The following PCDH19 variants were observed in gnomAD, a reference collection of about 807,000 sequenced individuals.
PCDH19 encodes protocadherin-19.
In PCDH19, 6 loss-of-function variants were observed where a neutral mutation model predicts 46.2. That is an observed-to-expected ratio of 0.13 (90% confidence interval 0.07 to 0.26). The LOEUF is 0.26. Ranked by LOEUF, PCDH19 falls within the 10% of genes least tolerant of loss-of-function variation. The pLI is 1.00. For synonymous variants in PCDH19, 481 were observed against 415.7 expected (o/e 1.16, Z -1.91); for missense variants, 740 against 972.3 (o/e 0.76, Z 3.18).
At chrX:100,308,123 G>T (rs933858803) in intron 5 of PCDH19, among the ~76,000 whole-genome samples, 4 of 111,150 alleles carry the variant, frequency 3.6e-5, no homozygotes, top group South Asian at 7.5e-4. Context: ...GGAAACTTCA[G>T]ATTACCCGAC....
At chrX:100,299,399 T>G (rs141873551) in intron 5 of PCDH19, among the ~76,000 whole-genome samples, 3 of 111,446 alleles carry the variant, frequency 2.7e-5, no homozygotes, top group Admixed American at 9.5e-5. Flanking sequence ...TCCTCTAATT[T>G]TGAGATTTAG....
Position 100,294,693 on chromosome X carries a change from C to CT in PCDH19, c.*1583dup, listed in dbSNP as rs752872081. 8.9e-6 allele frequency: 1 copy of CT among 111,733 alleles called. No homozygotes were observed. The highest frequency in any genetic ancestry group is 1.9e-5 in the Non-Finnish European group (1 of 53,095). 9.2% of individuals were successfully genotyped at this position (111,733 alleles called of 1,213,427 possible). On this transcript the variant is annotated 3_prime_UTR_variant, in exon 6 of 6. Transcript: ENST00000373034. The stretch of plus-strand genomic sequence containing the variant: ...AACTTGTTTCTCTAGAAACAACTCT[C>CT]TTAAGACCAAGGCAGAACAAAGGTG...
chrX:100,402,536 C>G lies in PCDH19; in HGVS notation c.2604G>C (p.Val868=). The G allele has an allele frequency of 8.3e-7, 1 of 1,210,832 alleles. No homozygotes were observed. The highest frequency in any genetic ancestry group is 1.1e-6 in the Non-Finnish European group (1 of 894,516). The change falls in exon 3 of 6, where the codon GTG becomes GTC. Residue 868 remains valine, a synonymous_variant. Coordinates refer to ENST00000373034, the MANE Select transcript of PCDH19 (RefSeq NM_001184880.2). ...PQQPDLIING[V]PLPETENYSF... is the part of the protein sequence containing the mutation. ...TAGCTGCACTCACCTCAGGCAGAGGCACACCGTTGATAATCAGGTCAGGCT... is the reference window on the plus strand; with the variant it reads ...TAGCTGCACTCACCTCAGGCAGAGGGACACCGTTGATAATCAGGTCAGGCT...
rs1924457674 is a variant in PCDH19 at position 100,292,490 on chromosome X, A to G, written c.*3787T>C. On this transcript the variant is annotated 3_prime_UTR_variant, in exon 6 of 6. Transcript: ENST00000373034. ...GAAATTAATTCACTTTTGCACAACA[A>G]GTGACCCACAAGCCAATTCCAGCGG... 1 of 112,580 alleles carries G rather than the reference A, an allele frequency of 8.9e-6. No individual in the cohort carries two copies. Among genetic ancestry groups the G allele is most frequent in the Non-Finnish European group, 1.9e-5 (1 of 53,289 alleles). The allele number at this position is 112,580 out of a possible 1,213,427, so 9.3% of individuals were successfully genotyped here. A position where few individuals can be genotyped will look rare whatever the true frequency, so the allele number is the denominator to read the frequency against.
At chrX:100,322,651 A>ATGGGGATTGCAT (rs1162194913) in intron 5 of PCDH19, among the ~76,000 whole-genome samples, 1 of 106,418 alleles carries the variant, frequency 9.4e-6, no homozygotes, top group African/African-American at 3.5e-5. Flanking sequence ...TAGTATTTTG[A>ATGGGGATTGCAT]TGGGGATTGC....
intron 5 of PCDH19, among the ~76,000 whole-genome samples, chrX:100,298,938 A>G (rs1416362252): frequency 4.5e-5 from 5 of 111,752 alleles, no homozygotes; most frequent in African/African-American, 9.8e-5. Flanking sequence ...GGGCTTCCCA[A>G]TAAGCTGTTT....
chrX:100,306,491 C>T (rs1464861383), intron 5 of PCDH19, among the ~76,000 whole-genome samples: 1 of 110,905 alleles, frequency 9.0e-6, no homozygotes, highest in African/African-American at 3.3e-5. Flanking sequence ...AATCTAAGGT[C>T]ACACCTCATT....
chrX:100,316,504 A>G (rs5967114), intron 5 of PCDH19, among the ~76,000 whole-genome samples: 2,154 of 111,700 alleles, frequency 0.019, 53 homozygotes, highest in African/African-American at 0.067. Context: ...AAAACCTGCT[A>G]TATCATCAGA....
intron 3 of PCDH19, among the ~76,000 whole-genome samples, chrX:100,355,277 T>TA (rs1480901205): frequency 9.0e-6 from 1 of 111,642 alleles, no homozygotes; most frequent in Non-Finnish European, 1.9e-5. Context: ...AAATAGGGTA[T>TA]AAAAAACATA....
intron 4 of PCDH19, among the ~76,000 whole-genome samples, chrX:100,343,876 A>G (rs1452921222): frequency 8.9e-6 from 1 of 112,081 alleles, no homozygotes; most frequent in Non-Finnish European, 1.9e-5. Context: ...AACCTTGGAC[A>G]TTCACAGGCC....
At chrX:100,384,988 G>T (rs998442897) in intron 3 of PCDH19, among the ~76,000 whole-genome samples, 4 of 109,927 alleles carry the variant, frequency 3.6e-5, no homozygotes, top group Non-Finnish European at 5.7e-5. Flanking sequence ...GTGAAAACCT[G>T]TCTCTACTAA....
At chrX:100,322,448 A>G (rs1019581381) in intron 5 of PCDH19, among the ~76,000 whole-genome samples, 2 of 111,246 alleles carry the variant, frequency 1.8e-5, no homozygotes, top group African/African-American at 6.6e-5. Flanking sequence ...TTATACCAGT[A>G]CCATGATGTT....
In PCDH19 at chrX:100,296,747, G is replaced by A. The variant is rs748666468; in HGVS notation, c.2977C>T (p.Leu993=). 1.7e-6 allele frequency: 2 copies of A among 1,211,283 alleles called. No homozygotes were observed. Among genetic ancestry groups the A allele is most frequent in the Non-Finnish European group, 1.1e-6 (1 of 895,213 alleles). The change falls in exon 6 of 6, where the codon CTG becomes TTG. Residue 993 remains leucine (L), a synonymous_variant. Transcript: ENST00000373034. ...SPEHVRNIIA[L]SIEATAADVE... ...TCAGCAGCAGTAGCTTCAATAGACAGCGCGATGATGTTCCTCACATGCTCA... is the reference window on the plus strand; with the variant it reads ...TCAGCAGCAGTAGCTTCAATAGACAACGCGATGATGTTCCTCACATGCTCA...
intron 5 of PCDH19, among the ~76,000 whole-genome samples, chrX:100,336,510 T>C (rs1044453771): frequency 8.9e-6 from 1 of 112,219 alleles, no homozygotes; most frequent in Admixed American, 9.5e-5. Flanking sequence ...TTCAAATCCA[T>C]GTTATACACA....
intron 4 of PCDH19, among the ~76,000 whole-genome samples, chrX:100,344,109 G>A (rs1926330954): frequency 8.9e-6 from 1 of 112,086 alleles, no homozygotes; most frequent in Admixed American, 9.5e-5. Context: ...ATGAAGAGCA[G>A]GAGAGAGTGA....
intron 3 of PCDH19, among the ~76,000 whole-genome samples, chrX:100,366,073 T>C (rs759704680): frequency 2.7e-5 from 3 of 111,962 alleles, no homozygotes; most frequent in African/African-American, 6.5e-5. Context: ...CCCAAGGAAA[T>C]AGACTGCCTT....
At chrX:100,379,824 GT>G (rs1465235647) in intron 3 of PCDH19, among the ~76,000 whole-genome samples, 15 of 111,577 alleles carry the variant, frequency 1.3e-4, no homozygotes, top group Non-Finnish European at 1.7e-4. Flanking sequence ...TGTTATAAAT[GT>G]GACTAGATGA....
chrX:100,374,197 A>G, intron 3 of PCDH19, among the ~76,000 whole-genome samples: 1 of 112,843 alleles, frequency 8.9e-6, no homozygotes, highest in Non-Finnish European at 1.9e-5. Flanking sequence ...AACCCAATTC[A>G]TAAGACATAT....
At chrX:100,393,766 G>C (rs972971326) in intron 3 of PCDH19, among the ~76,000 whole-genome samples, 1 of 111,840 alleles carries the variant, frequency 8.9e-6, no homozygotes, top group Non-Finnish European at 1.9e-5. Context: ...GGCCAGATGG[G>C]GCCCAGTGGG....
Sources: gnomAD v4.1 joint callset for allele counts (sites outside exome capture counted in the v4.1 genomes callset) on GRCh38, gnomAD v4.1.1 for gene constraint, MANE v1.5 for transcripts, NCBI Gene and HGNC (gene_info 2026-07-23, HGNC 2026-07-21) for gene names.